The following NAV2 variants were observed in gnomAD, a reference collection of about 807,000 sequenced individuals.
NAV2 encodes the protein helicase, APC down-regulated 1.
NAV2 carries 54 observed loss-of-function variants against 223.2 expected under a neutral mutation model. That is an observed-to-expected ratio of 0.24 (90% CI 0.19 to 0.30). The LOEUF (loss-of-function observed/expected upper bound fraction) is 0.30, where lower values mean the gene tolerates loss of function less well. NAV2 is among the 10% of genes least tolerant of loss of function. The pLI is 1.00. For synonymous variants in NAV2, 1,279 were observed against 1,239.3 expected, an observed-to-expected ratio of 1.03 and a Z score of -0.67; for missense variants, 2,806 against 3,147.5, an observed-to-expected ratio of 0.89 and a Z score of 2.60.
chr11:19,690,900 G>T (rs147288699), intron 1 of NAV2, among the ~76,000 whole-genome samples: 1 of 152,154 alleles, frequency 6.6e-6, no homozygotes, highest in Non-Finnish European at 1.5e-5. Flanking sequence ...CCAGATCCCC[G>T]ATTTTCAGCA....
intron 1 of NAV2, among the ~76,000 whole-genome samples, chr11:19,665,021 T>C (rs2048373415): frequency 6.6e-6 from 1 of 152,196 alleles, no homozygotes; most frequent in Admixed American, 6.5e-5. Flanking sequence ...ACCTAAGTCT[T>C]GTGAAACTCA....
intron 4 of NAV2, among the ~76,000 whole-genome samples, chr11:19,877,472 T>TTTTTTATTTTTTCTTTTTTCTTTTC (rs1555114923): frequency 1.7e-5 from 2 of 117,838 alleles, no homozygotes; most frequent in African/African-American, 3.6e-5. Flanking sequence ...TCTTCATTCT[T>TTTTTTATTTTTTCTTTTTTCTTTTC]TTTTTTTTTT....
chr11:19,622,072 G>C (rs985653675), intron 1 of NAV2, among the ~76,000 whole-genome samples: 3 of 152,226 alleles, frequency 2.0e-5, no homozygotes, highest in African/African-American at 7.2e-5. Flanking sequence ...GCTTTTGAGT[G>C]AGTTTCTTAA....
At chr11:20,029,233 A>G (rs1373523561) in intron 11 of NAV2, among the ~76,000 whole-genome samples, 1 of 152,206 alleles carries the variant, frequency 6.6e-6, no homozygotes, top group Non-Finnish European at 1.5e-5. Context: ...TCCATTATAA[A>G]GAAGAGAAGA....
intron 1 of NAV2, among the ~76,000 whole-genome samples, chr11:19,359,117 C>T (rs542495905): frequency 6.6e-6 from 1 of 152,304 alleles, no homozygotes; most frequent in South Asian, 2.1e-4. Context: ...ATAGGACTCT[C>T]CTTTGACTCT....
At chr11:19,927,273 A>G (rs1002444977) in intron 6 of NAV2, among the ~76,000 whole-genome samples, 1 of 152,320 alleles carries the variant, frequency 6.6e-6, no homozygotes, top group South Asian at 2.1e-4. Flanking sequence ...GGCACAGCCC[A>G]CTAGTGGGGC....
chr11:20,118,110 A>G (rs764143038), intron 37 of NAV2, 23 bp from the exon 38 acceptor site: 1 of 1,530,100 alleles, frequency 6.5e-7, no homozygotes, highest in Admixed American at 1.7e-5. Context: ...AAAGCAGCTC[A>G]TGCTTCTCCA....
At chr11:19,542,042 G>T (rs2044355875) in intron 1 of NAV2, among the ~76,000 whole-genome samples, 1 of 99,296 alleles carries the variant, frequency 1.0e-5, no homozygotes, top group South Asian at 2.8e-4. Context: ...GGAAAAGACA[G>T]TTAGAGTCTT....
At chr11:20,022,287 G>A (rs1462700680) in intron 11 of NAV2, among the ~76,000 whole-genome samples, 1 of 152,070 alleles carries the variant, frequency 6.6e-6, no homozygotes, top group African/African-American at 2.4e-5. Flanking sequence ...GTTTTAATAG[G>A]GATTAGTCCA....
intron 10 of NAV2, among the ~76,000 whole-genome samples, chr11:19,953,454 GCCT>G (rs2047558947): frequency 6.9e-6 from 1 of 144,660 alleles, no homozygotes. Context: ...GCAAAGCCCT[GCCT>G]CTGGTTCCTG....
chr11:20,023,116 C>T (rs1239564649), intron 11 of NAV2: 4 of 1,551,834 alleles, frequency 2.6e-6, no homozygotes, highest in Admixed American at 3.9e-5. Context: ...AATGCTCTGG[C>T]CTAGGAACCT....
Position 19,712,886 on chromosome 11 carries a change from G to A in NAV2, c.-810G>A, listed in dbSNP as rs957146737. Among the ~76,000 whole-genome samples, 7 of 151,022 alleles carry A rather than the reference G, an allele frequency of 4.6e-5. No individual in the cohort carries two copies. The highest frequency in any genetic ancestry group is 2.1e-4 in the South Asian group (1 of 4,826). ...AGCCAGCGCAGCCTTCCCGGGAAGC[G>A]CGGCGGCCGCTCCCGAGCGCAGCCC... On this transcript the variant is annotated 5_prime_UTR_variant, in exon 1 of 38. Transcript: ENST00000349880.
intron 6 of NAV2, among the ~76,000 whole-genome samples, chr11:19,912,846 A>G (rs1266622766): frequency 1.3e-5 from 2 of 152,240 alleles, no homozygotes; most frequent in Non-Finnish European, 2.9e-5. Flanking sequence ...TAGATTGAAC[A>G]GAACCTTTTA....
chr11:20,110,068 T>C (rs1220311861), intron 36 of NAV2, among the ~76,000 whole-genome samples: 2 of 152,234 alleles, frequency 1.3e-5, no homozygotes, highest in Non-Finnish European at 2.9e-5. Context: ...TTGGGCGTCC[T>C]TCCCACCATG....
chr11:19,766,350 C>T (rs1215906912), intron 1 of NAV2, among the ~76,000 whole-genome samples: 12 of 152,136 alleles, frequency 7.9e-5, no homozygotes, highest in Non-Finnish European at 1.2e-4. Context: ...AGGGTGAATC[C>T]AAGTGTGAAC....
chr11:19,936,226 A>C (rs572161077), intron 7 of NAV2, among the ~76,000 whole-genome samples: 1 of 152,048 alleles, frequency 6.6e-6, no homozygotes, highest in Admixed American at 6.6e-5. Flanking sequence ...AATTTTTATA[A>C]TTCCAATAGC....
intron 1 of NAV2, among the ~76,000 whole-genome samples, chr11:19,523,064 G>A (rs186618176): frequency 2.6e-5 from 4 of 152,354 alleles, no homozygotes; most frequent in Admixed American, 1.3e-4. Context: ...GAGGAAGCAG[G>A]TGTTAGGTCC....
chr11:19,591,268 C>G (rs2046051960), intron 1 of NAV2: 1 of 152,192 alleles, frequency 6.6e-6, no homozygotes, highest in Admixed American at 6.5e-5. Flanking sequence ...ATCAACAGTG[C>G]CTATTCTCTT....
chr11:19,702,686 G>A (rs987536009), intron 1 of NAV2, among the ~76,000 whole-genome samples: 1 of 152,026 alleles, frequency 6.6e-6, no homozygotes, highest in Non-Finnish European at 1.5e-5. Context: ...GCTGAGGCAG[G>A]AGAATTGCTT....
Sources: gnomAD v4.1 joint callset for allele counts (sites outside exome capture counted in the v4.1 genomes callset) on GRCh38, gnomAD v4.1.1 for gene constraint, MANE v1.5 for transcripts, NCBI Gene and HGNC (gene_info 2026-07-23, HGNC 2026-07-21) for gene names.